The following OSBP2 variants were observed in gnomAD, a reference collection of about 807,000 sequenced individuals.
OSBP2 encodes the protein oxysterol-binding protein 2.
Under a neutral mutation model 96.0 loss-of-function variants are expected in OSBP2, and 66 were observed. The observed-to-expected ratio is 0.69, with a 90% CI of 0.56 to 0.84. The LOEUF is 0.84. Among genes scored for constraint, OSBP2 ranks in the 40% least tolerant of loss-of-function variants. OSBP2 has a pLI of 0.00. For missense variants in OSBP2, 1,038 were observed against 1,222.7 expected (o/e 0.85, Z 2.25); for synonymous variants, 525 against 520.9 (o/e 1.01, Z -0.11).
At chr22:30,715,215 G>T (rs1252494186) in intron 1 of OSBP2, among the ~76,000 whole-genome samples, 1 of 151,858 alleles carries the variant, frequency 6.6e-6, no homozygotes, top group African/African-American at 2.4e-5. Context: ...TTTCTTAAAG[G>T]TTCCAGTTTC....
rs574796951 is a variant in OSBP2 at position 30,906,218 on chromosome 22, C to T, written c.2630C>T (p.Thr877Met). The T allele has an allele frequency of 4.3e-6, 7 of 1,614,162 alleles. No homozygotes were observed. The highest frequency in any genetic ancestry group is 2.2e-5 in the East Asian group (1 of 44,882). ...SEEEKEADAY[T>M]PLWFEKRLDP... ...GCAGAGAAGGAGGCGGATGCCTACA[C>T]GCCACTGTGGTTTGAGAAGAGGCTG... The change falls in exon 14 of 14, where the codon ACG becomes ATG. Residue 877 changes from threonine to methionine, a missense_variant. By Grantham distance (81) the Thr-to-Met change is moderately conservative. Transcript: ENST00000332585.
At chr22:30,740,993 C>T (rs1364376939) in intron 1 of OSBP2, among the ~76,000 whole-genome samples, 168 bp from the exon 2 acceptor site, 1 of 152,176 alleles carries the variant, frequency 6.6e-6, no homozygotes, top group Non-Finnish European at 1.5e-5. Flanking sequence ...TCCCCCTCAA[C>T]CAAGCCACGA....
intron 2 of OSBP2, among the ~76,000 whole-genome samples, chr22:30,851,109 T>G (rs2038970285): frequency 1.3e-5 from 2 of 152,236 alleles, no homozygotes; most frequent in Non-Finnish European, 2.9e-5. Flanking sequence ...TTGGCCAGGC[T>G]GGAGTGCAGT....
intron 3 of OSBP2, among the ~76,000 whole-genome samples, chr22:30,878,527 C>T (rs1348534820): frequency 1.3e-5 from 2 of 152,296 alleles, no homozygotes; most frequent in East Asian, 1.9e-4. Context: ...CACATGGTTC[C>T]GCAGGATGCA....
Position 30,890,610 on chromosome 22 carries a change from A to G in OSBP2, c.1624-118A>G. On this transcript the variant is annotated intron_variant, in intron 7 of 13. Transcript: ENST00000332585. This position sits in a 1 kb window ranked among gnomAD's most constrained non-coding sequence, Gnocchi z 4.4. ...CACTGTTGGACAGGGCCATCTGAGGAGCCTCACTGTGAAGGTGCTGTCTGA... is the reference window on the plus strand; with the variant it reads ...CACTGTTGGACAGGGCCATCTGAGGGGCCTCACTGTGAAGGTGCTGTCTGA... 1.8e-6 allele frequency: 2 copies of G among 1,115,674 alleles called. No homozygotes were observed. Among genetic ancestry groups the G allele is most frequent in the South Asian group, 1.4e-5 (1 of 70,186 alleles). 69.1% of individuals were successfully genotyped at this position (1,115,674 alleles called of 1,614,324 possible).
intron 2 of OSBP2, among the ~76,000 whole-genome samples, chr22:30,769,607 C>G (rs2090321747): frequency 6.6e-6 from 1 of 152,124 alleles, no homozygotes; most frequent in Non-Finnish European, 1.5e-5. Context: ...GGAGATTGCG[C>G]CACTACATTC....
At chr22:30,707,134 G>T (rs961107750) in intron 1 of OSBP2, among the ~76,000 whole-genome samples, 2 of 151,570 alleles carry the variant, frequency 1.3e-5, no homozygotes, top group African/African-American at 4.8e-5. Context: ...GTCTAGCTTT[G>T]TCGCCAGTCT....
At chr22:30,740,490 C>T (rs986543076) in intron 1 of OSBP2, among the ~76,000 whole-genome samples, 5 of 152,186 alleles carry the variant, frequency 3.3e-5, no homozygotes, top group Admixed American at 2.6e-4. Flanking sequence ...AGGTCTGCTT[C>T]GGGAAAGGGC....
intron 2 of OSBP2, chr22:30,822,452 C>T: frequency 4.2e-6 from 5 of 1,196,878 alleles, no homozygotes; most frequent in Non-Finnish European, 5.4e-6. Context: ...ACGGGGTTAA[C>T]GCGCTCATGT....
chr22:30,902,518 A>T, intron 12 of OSBP2: 2 of 1,491,676 alleles, frequency 1.3e-6, no homozygotes, highest in South Asian at 1.1e-5. Context: ...TTCAGGGATG[A>T]CTTCTTAGGA....
In OSBP2 at chr22:30,893,625, C is replaced by A. The variant is rs770045351; in HGVS notation, c.2095-13C>A. 73 of 1,613,752 alleles carry A rather than the reference C, an allele frequency of 4.5e-5. No homozygotes were observed. Among genetic ancestry groups the A allele is most frequent in the Non-Finnish European group, 2.6e-5 (31 of 1,179,748 alleles). ...CCGGGGGCTGGCCGCTGACCACTGC[C>A]CTCCTTCGCCAGTCAGGGGACATCG... On this transcript the variant is annotated splice_polypyrimidine_tract_variant and intron_variant, in intron 10 of 13. Transcript: ENST00000332585.
At chr22:30,800,707 T>G (rs183217522) in intron 2 of OSBP2, among the ~76,000 whole-genome samples, 1 of 152,304 alleles carries the variant, frequency 6.6e-6, no homozygotes, top group Admixed American at 6.5e-5. Flanking sequence ...TTCCGGCCTT[T>G]GTGTGTGAGA....
intron 2 of OSBP2, among the ~76,000 whole-genome samples, chr22:30,797,503 C>A (rs367630208): frequency 4.6e-5 from 7 of 152,280 alleles, no homozygotes; most frequent in Middle Eastern, 6.8e-3. Flanking sequence ...AGGCTGGTCT[C>A]AAACTCCTGA....
rs575457201 is a variant in OSBP2 at position 30,903,539 on chromosome 22, G to A, written c.2376-2298G>A. 8.5e-5 allele frequency among the ~76,000 whole-genome samples: 13 copies of A among 152,340 alleles called. No homozygotes were observed. The East Asian group carries it at 9.6e-4, about 11-fold the overall frequency. On this transcript the variant is annotated intron_variant, in intron 12 of 13. Transcript: ENST00000332585. ...CACGGAGAAAACACAGTGAATGTTC[G>A]TAGGCATTCACGTGTTTTTGTTACT...
At chr22:30,738,403 A>G (rs136354) in intron 1 of OSBP2, among the ~76,000 whole-genome samples, 112,203 of 152,026 alleles carry the variant, frequency 0.74, 42,248 homozygotes, top group African/African-American at 0.88. Context: ...GCCCAGCTTC[A>G]CCAGTTTTCT....
chr22:30,766,250 T>G (rs2090268120), intron 2 of OSBP2, among the ~76,000 whole-genome samples: 1 of 151,998 alleles, frequency 6.6e-6, no homozygotes, highest in Admixed American at 6.6e-5. Context: ...CTGGTAGTAG[T>G]GAAGGGTATG....
chr22:30,769,958 GT>G (rs1283940294), intron 2 of OSBP2, among the ~76,000 whole-genome samples: 1 of 152,088 alleles, frequency 6.6e-6, no homozygotes, highest in Non-Finnish European at 1.5e-5. Context: ...TCATGGGGTG[GT>G]TTCCCCCATA....
intron 1 of OSBP2, among the ~76,000 whole-genome samples, chr22:30,735,784 A>C (rs2089845514): frequency 2.0e-5 from 3 of 152,012 alleles, no homozygotes. Context: ...GTGCAGTGGC[A>C]TGATCTCGTC....
At chr22:30,843,327 C>T (rs932429306) in intron 2 of OSBP2, among the ~76,000 whole-genome samples, 9 of 152,018 alleles carry the variant, frequency 5.9e-5, no homozygotes, top group Admixed American at 3.3e-4. Context: ...GTGGCAAATT[C>T]GTAGACGCCC....
Sources: allele counts gnomAD v4.1 joint callset (sites outside exome capture counted in the v4.1 genomes callset), GRCh38; gene constraint gnomAD v4.1.1; non-coding constraint Gnocchi (gnomAD v3.1); transcripts MANE v1.5; gene names NCBI Gene and HGNC (gene_info 2026-07-23, HGNC 2026-07-21).